The following ZBTB20 variants were observed in gnomAD, a reference collection of about 807,000 sequenced individuals.
ZBTB20 encodes the protein zinc finger and BTB domain-containing protein 20.
In ZBTB20, 9 loss-of-function variants were observed where a neutral mutation model predicts 56.9. The observed-to-expected ratio is 0.16, with a 90% CI of 0.10 to 0.28. The LOEUF (loss-of-function observed/expected upper bound fraction) is 0.28. Ranked by LOEUF, ZBTB20 falls within the 10% of genes least tolerant of loss-of-function variation. ZBTB20 has a pLI of 1.00. For missense variants in ZBTB20, 655 were observed against 1,003.0 expected (o/e 0.65, Z 4.69); for synonymous variants, 417 against 420.7 (o/e 0.99, Z 0.11).
At chr3:114,872,208 A>T (rs1443876692) in intron 4 of ZBTB20, among the ~76,000 whole-genome samples, 2 of 152,098 alleles carry the variant, frequency 1.3e-5, no homozygotes, top group Non-Finnish European at 2.9e-5. Flanking sequence ...CTAGATTGTG[A>T]CATGCTTACT....
At chr3:114,495,477 AGTCT>A (rs1210096780) in intron 7 of ZBTB20, among the ~76,000 whole-genome samples, 21 of 151,974 alleles carry the variant, frequency 1.4e-4, no homozygotes, top group African/African-American at 5.1e-4. Flanking sequence ...ACACACACAC[AGTCT>A]CTCTCTCTCT....
At chr3:114,548,693 A>G (rs13095251) in intron 6 of ZBTB20, among the ~76,000 whole-genome samples, 22,548 of 151,738 alleles carry the variant, frequency 0.15, 2,017 homozygotes, top group Middle Eastern at 0.2. Context: ...TAATTTTTGT[A>G]TTTTTAGTAG....
intron 3 of ZBTB20, among the ~76,000 whole-genome samples, chr3:114,952,617 G>T (rs1039648949): frequency 6.6e-6 from 1 of 151,730 alleles, no homozygotes; most frequent in Non-Finnish European, 1.5e-5. Flanking sequence ...TCAATCTCTG[G>T]ATACATTAAA....
intron 10 of ZBTB20, among the ~76,000 whole-genome samples, chr3:114,365,597 T>C (rs958070207): frequency 2.0e-5 from 3 of 152,174 alleles, no homozygotes; most frequent in Non-Finnish European, 4.4e-5. Context: ...AGGAAAAAGA[T>C]GAAACAAGGA....
intron 6 of ZBTB20, among the ~76,000 whole-genome samples, chr3:114,656,776 C>A (rs148790839): frequency 6.6e-6 from 1 of 152,004 alleles, no homozygotes; most frequent in African/African-American, 2.4e-5. Flanking sequence ...CAGGGTCTCA[C>A]TCTGTTGCCC....
At chr3:114,751,298 T>C (rs575319647) in intron 5 of ZBTB20, among the ~76,000 whole-genome samples, 52 of 152,286 alleles carry the variant, frequency 3.4e-4, no homozygotes, top group African/African-American at 9.9e-4. Context: ...ACACTCACCA[T>C]GTAATGAAGA....
At chr3:114,955,963 T>C (rs2077232965) in intron 3 of ZBTB20, among the ~76,000 whole-genome samples, 1 of 152,156 alleles carries the variant, frequency 6.6e-6, no homozygotes, top group Non-Finnish European at 1.5e-5. Context: ...ATCTAAAGTT[T>C]GGTGCCAAAT....
chr3:115,020,946 C>T (rs190414999), intron 2 of ZBTB20, among the ~76,000 whole-genome samples: 4 of 150,970 alleles, frequency 2.6e-5, no homozygotes, highest in Admixed American at 6.6e-5. Context: ...TAACTTTGTA[C>T]GATCGAATGT....
At chr3:114,813,060 G>C (rs1477751749) in intron 4 of ZBTB20, among the ~76,000 whole-genome samples, 1 of 152,242 alleles carries the variant, frequency 6.6e-6, no homozygotes, top group Non-Finnish European at 1.5e-5. Context: ...CGCAAGCTGA[G>C]GGAGCCGGCT....
rs202051663 is a variant in ZBTB20 at position 114,339,460 on chromosome 3, G to C, written c.1805-34C>G. ...GTAGGAAGAGACAGCAAGCAGGACA[G>C]AGCGAGACATAGCAAGGGATAGAGA... On this transcript the variant is annotated intron_variant, in intron 11 of 11. Coordinates refer to ENST00000675478, the MANE Select transcript of ZBTB20 (RefSeq NM_001348800.3). This position sits in a 1 kb window ranked among gnomAD's most constrained non-coding sequence, Gnocchi z 4.2. The C allele has an allele frequency of 6.7e-4, 1,061 of 1,592,250 alleles. 2 individuals carry two copies. Among genetic ancestry groups the C allele is most frequent in the South Asian group, 1.0e-3 (94 of 89,870 alleles).
chr3:114,385,829 C>T (rs746558954), intron 8 of ZBTB20, among the ~76,000 whole-genome samples: 7 of 152,162 alleles, frequency 4.6e-5, no homozygotes, highest in African/African-American at 9.7e-5. Context: ...GATGGCGCCA[C>T]TGCACTGCAG....
chr3:114,681,531 A>G (rs576157640), intron 6 of ZBTB20, among the ~76,000 whole-genome samples: 1 of 152,316 alleles, frequency 6.6e-6, no homozygotes, highest in South Asian at 2.1e-4. Flanking sequence ...AAAACATAAA[A>G]TCCTTGGCTT....
chr3:114,758,944 CTG>C (rs1200424076), intron 5 of ZBTB20: 1 of 152,088 alleles, frequency 6.6e-6, no homozygotes, highest in Non-Finnish European at 1.5e-5. Context: ...GAAATGTACT[CTG>C]TACCGATGCA....
rs754412501 is a variant in ZBTB20, at chr3:114,316,452, A to T, written c.*22553T>A. 1 of 479,678 alleles carries T rather than the reference A, an allele frequency of 2.1e-6. No individual in the cohort carries two copies. Among genetic ancestry groups the T allele is most frequent in the Non-Finnish European group, 4.3e-6 (1 of 233,926 alleles). 29.7% of individuals were successfully genotyped at this position (479,678 alleles called of 1,614,324 possible). ...TTTGTAATGAGCATCTGATTTTGTT[A>T]TGTGCATGTGTGTATATATGCACAT... On this transcript the variant is annotated 3_prime_UTR_variant, in exon 12 of 12. Coordinates refer to ENST00000675478, the MANE Select transcript of ZBTB20 (RefSeq NM_001348800.3).
intron 2 of ZBTB20, among the ~76,000 whole-genome samples, chr3:115,047,933 T>C (rs943804044): frequency 6.6e-6 from 1 of 151,830 alleles, no homozygotes; most frequent in African/African-American, 2.4e-5. Flanking sequence ...GCTAAGAAAA[T>C]TTTCTGGCCG....
intron 7 of ZBTB20, chr3:114,445,611 C>T (rs112120622): frequency 1.3e-5 from 2 of 152,010 alleles, no homozygotes; most frequent in Admixed American, 6.6e-5. Flanking sequence ...TTTATCTGAT[C>T]GATAAATATA....
chr3:114,352,064 A>G (rs2080727607), intron 10 of ZBTB20, 186 bp from the exon 11 acceptor site: 1 of 762,330 alleles, frequency 1.3e-6, no homozygotes, highest in African/African-American at 1.8e-5. Flanking sequence ...AGGGAAAAGG[A>G]CCTTGAATTT....
intron 2 of ZBTB20, 136 bp from the exon 3 acceptor site, chr3:114,974,552 C>T (rs2078020151): frequency 6.6e-6 from 1 of 152,212 alleles, no homozygotes; most frequent in South Asian, 2.1e-4. Context: ...AAACTGAAAG[C>T]TAACACATTC....
chr3:114,750,242 G>T (rs1023644757), intron 5 of ZBTB20, among the ~76,000 whole-genome samples: 2 of 152,140 alleles, frequency 1.3e-5, no homozygotes, highest in African/African-American at 2.4e-5. Context: ...AAATGCAGAT[G>T]ATCAGGATGA....
Sources: gnomAD v4.1 joint callset for allele counts (sites outside exome capture counted in the v4.1 genomes callset) on GRCh38, gnomAD v4.1.1 for gene constraint, Gnocchi (gnomAD v3.1) non-coding constraint, MANE v1.5 for transcripts, NCBI Gene and HGNC (gene_info 2026-07-23, HGNC 2026-07-21) for gene names.